Variants in ADAD1 observed in about 807,000 individuals in gnomAD.
ADAD1 encodes adenosine deaminase domain containing 1, also known as adenosine deaminase domain-containing protein 1.
In ADAD1, 46 loss-of-function variants were observed where a neutral mutation model predicts 66.8. That is an observed-to-expected ratio of 0.69 (90% CI 0.54 to 0.88). The LOEUF (loss-of-function observed/expected upper bound fraction) is 0.88. Among genes scored for constraint, ADAD1 ranks in the 40% least tolerant of loss-of-function variants. The pLI is 0.00. For synonymous variants in ADAD1, 248 were observed against 229.4 expected, an observed-to-expected ratio of 1.08 and a Z score of -0.73; for missense variants, 617 against 681.8, an observed-to-expected ratio of 0.91 and a Z score of 1.06.
At chr4:122,424,734 A>T (rs1797154641) in intron 12 of ADAD1, among the ~76,000 whole-genome samples, 1 of 152,146 alleles carries the variant, frequency 6.6e-6, no homozygotes, top group African/African-American at 2.4e-5. Flanking sequence ...TCACCATATC[A>T]ATAATTACAA....
chr4:122,421,260 G>A lies in ADAD1; in HGVS notation c.1488-1G>A, dbSNP rs761785436. The A allele has an allele frequency of 6.3e-7, 1 of 1,584,544 alleles. No individual in the cohort carries two copies. Among genetic ancestry groups the A allele is most frequent in the Non-Finnish European group, 8.6e-7 (1 of 1,161,784 alleles). On this transcript the variant is annotated splice_acceptor_variant, in intron 11 of 12. Coordinates refer to ENST00000296513, the MANE Select transcript of ADAD1 (RefSeq NM_139243.4). LOFTEE classifies it high-confidence loss of function. ...AAAAAATTTTATTTCTCTCTGCTTA[G>A]TTCCCCATTTAAAAGTGGTATGTCA... is the stretch of plus-strand genomic sequence containing the variant.
chr4:122,384,043 TGA>T (rs1232483336), intron 5 of ADAD1, 77 bp downstream of exon 5: 6 of 1,301,972 alleles, frequency 4.6e-6, no homozygotes, highest in Non-Finnish European at 5.2e-6. Flanking sequence ...TTTATGTTAA[TGA>T]GAGTTACTTG....
chr4:122,422,505 G>A (rs1797048199), intron 12 of ADAD1, among the ~76,000 whole-genome samples: 1 of 152,128 alleles, frequency 6.6e-6, no homozygotes, highest in Admixed American at 6.5e-5. Flanking sequence ...TAATGATACA[G>A]CATTATATGA....
rs560695941 is a variant in ADAD1, at chr4:122,428,711, C to T, written c.1618-915C>T. 2.6e-5 allele frequency among the ~76,000 whole-genome samples: 4 copies of T among 152,224 alleles called. 1 individual carries two copies. Among genetic ancestry groups the T allele is most frequent in the Admixed American group, 2.0e-4 (3 of 15,282 alleles). ...TTTAGAAAAAGCAAAACTCTAGAGA[C>T]AGCAAGTAGATTCATGGTTGTCTGG... On this transcript the variant is annotated intron_variant, in intron 12 of 12. Transcript: ENST00000296513.
At chr4:122,413,270 A>G (rs538656864) in intron 10 of ADAD1, among the ~76,000 whole-genome samples, 5 of 152,150 alleles carry the variant, frequency 3.3e-5, no homozygotes, top group Non-Finnish European at 5.9e-5. Flanking sequence ...TTACTTTTCA[A>G]AAAGTTTGCA....
At chr4:122,391,234 G>C (rs1263755332) in intron 5 of ADAD1, among the ~76,000 whole-genome samples, 1 of 152,126 alleles carries the variant, frequency 6.6e-6, no homozygotes, top group Non-Finnish European at 1.5e-5. Context: ...ATGGGTGCCT[G>C]CTCCTCCCTC....
chr4:122,394,921 G>T (rs4145717), intron 6 of ADAD1, among the ~76,000 whole-genome samples: 44,123 of 152,138 alleles, frequency 0.29, 7,560 homozygotes, highest in East Asian at 0.48. Context: ...TTAAATTTAT[G>T]GGTAAGAACA....
chr4:122,427,462 A>G (rs1405566107), intron 12 of ADAD1, among the ~76,000 whole-genome samples: 2 of 150,384 alleles, frequency 1.3e-5, no homozygotes, highest in African/African-American at 4.9e-5. Flanking sequence ...TTAAAGTTCC[A>G]GCAGGGTTTT....
intron 7 of ADAD1, among the ~76,000 whole-genome samples, chr4:122,404,805 A>C (rs192697058): frequency 6.6e-6 from 1 of 152,176 alleles, no homozygotes; most frequent in East Asian, 1.9e-4. Context: ...CACCAAATCT[A>C]TATACTTTCC....
At chr4:122,396,188 A>G (rs1795703901) in intron 6 of ADAD1, 64 bp from the exon 7 acceptor site, 3 of 1,331,016 alleles carry the variant, frequency 2.3e-6, no homozygotes, top group Non-Finnish European at 3.0e-6. Flanking sequence ...TTATAATAAG[A>G]ATAATAAGAC....
chr4:122,411,245 T>C lies in ADAD1; in HGVS notation c.872T>C (p.Leu291Pro). The C allele has an allele frequency of 6.2e-7, 1 of 1,604,144 alleles. No individual in the cohort carries two copies. The highest frequency in any genetic ancestry group is 8.5e-7 in the Non-Finnish European group (1 of 1,177,416). Residue 291 changes from leucine (L) to proline (P), a missense_variant, in exon 9 of 13, where the codon CTC becomes CCC. Leu to Pro is a moderately conservative substitution (Grantham distance 98). Transcript: ENST00000296513. ...AGGTACTTTTATAGACAACTTCTGC[T>C]CTTCTACAGCAAAAATCCTGCTATG... is the stretch of plus-strand genomic sequence containing the variant. ...LLRYFYRQLL[L>P]FYSKNPAMME...
Position 122,412,687 on chromosome 4 carries a change from G to A in ADAD1, c.1127G>A (p.Gly376Asp). 6.2e-7 allele frequency: 1 copy of A among 1,613,912 alleles called. No homozygotes were observed. Residue 376 changes from glycine (G) to aspartate (D), a missense_variant, in exon 10 of 13, where the codon GGT (glycine) becomes GAT (aspartate). Gly to Asp is a moderately conservative substitution (Grantham distance 94). Coordinates refer to ENST00000296513, the MANE Select transcript of ADAD1 (RefSeq NM_139243.4). ...CTGACTGTTTACTGTCCTAAAGATG[G>A]TGTTAATAGAATAAGCAGTATGTCC... is the stretch of plus-strand genomic sequence containing the variant. ...IYLTVYCPKD[G>D]VNRISSMSSS... is the part of the protein sequence containing the mutation.
intron 4 of ADAD1, among the ~76,000 whole-genome samples, chr4:122,381,586 T>C (rs1794901929): frequency 6.6e-6 from 1 of 152,190 alleles, no homozygotes; most frequent in Admixed American, 6.5e-5. Context: ...AAGCATTAGA[T>C]TATATGATTG....
chr4:122,421,213 T>C, intron 11 of ADAD1, 48 bp from the exon 12 acceptor site: 1 of 1,416,714 alleles, frequency 7.1e-7, no homozygotes, highest in Non-Finnish European at 9.5e-7. Flanking sequence ...ATTGCCAACA[T>C]AAATTACTGA....
At chr4:122,421,500 T>C in intron 12 of ADAD1, 110 bp downstream of exon 12, 2 of 1,031,366 alleles carry the variant, frequency 1.9e-6, no homozygotes, top group Non-Finnish European at 2.6e-6. Flanking sequence ...TTCCTGAATA[T>C]AAGATATTAC....
chr4:122,392,264 G>T (rs1245457974), intron 5 of ADAD1, among the ~76,000 whole-genome samples: 2 of 152,048 alleles, frequency 1.3e-5, no homozygotes, highest in Non-Finnish European at 2.9e-5. Flanking sequence ...GTTCATCTCT[G>T]CACTATTCAC....
At position 122,429,722 on chromosome 4, in the gene ADAD1, G is replaced by A. The variant is rs1797431460; in HGVS notation, c.1714G>A (p.Glu572Lys). ...CTGGATTGTGAAATCTCCCTGCATA[G>A]AGCAATTTAACATGTGAAATAGGCA... ...GSWIVKSPCI[E>K]QFNM is the part of the protein sequence containing the mutation. Residue 572 changes from glutamate to lysine, a missense_variant, in exon 13 of 13, where the codon GAG becomes AAG. Transcript: ENST00000296513. 1 of 1,607,336 alleles carries A rather than the reference G, an allele frequency of 6.2e-7. No homozygotes were observed. The highest frequency in any genetic ancestry group is 8.5e-7 in the Non-Finnish European group (1 of 1,175,462).
Position 122,404,532 on chromosome 4 carries a change from A to T in ADAD1, c.725-3376A>T, listed in dbSNP as rs149065052. ...TCACACTTTGGGAACTCAGTTTTTC[A>T]GCTGTCTCACAGAGTTTGCAATGGC... On this transcript the variant is annotated intron_variant, in intron 7 of 12. Transcript: ENST00000296513. Among the ~76,000 whole-genome samples the T allele has an allele frequency of 1.0e-3, 154 of 152,260 alleles. 2 individuals carry two copies. The highest frequency in any genetic ancestry group is 3.4e-3 in the African/African-American group (142 of 41,534).
At chr4:122,399,173 T>C (rs1795853355) in intron 7 of ADAD1, among the ~76,000 whole-genome samples, 2 of 152,286 alleles carry the variant, frequency 1.3e-5, no homozygotes, top group African/African-American at 4.8e-5. Flanking sequence ...GTCCCAGTTT[T>C]ATTGTTATAC....
Sources: allele counts gnomAD v4.1 joint callset (sites outside exome capture counted in the v4.1 genomes callset), GRCh38; gene constraint gnomAD v4.1.1; transcripts MANE v1.5; gene names NCBI Gene and HGNC (gene_info 2026-07-23, HGNC 2026-07-21).